Variants in NXN observed in about 807,000 individuals in gnomAD.
The protein encoded by NXN is nucleoredoxin 1.
Under a neutral mutation model 48.6 loss-of-function variants are expected in NXN, and 16 were observed. The ratio of observed to expected loss-of-function variants is 0.33; its 90% confidence interval spans 0.22 to 0.50. The LOEUF is 0.50. NXN is among the 20% of genes least tolerant of loss of function. NXN has a pLI of 0.98. For missense variants in NXN, 492 were observed against 605.5 expected (o/e 0.81, Z 1.97); for synonymous variants, 281 against 269.6 (o/e 1.04, Z -0.41).
At chr17:838,826 A>T (rs950074882) in intron 1 of NXN, among the ~76,000 whole-genome samples, 1 of 151,702 alleles carries the variant, frequency 6.6e-6, no homozygotes, top group Non-Finnish European at 1.5e-5. Context: ...TCCCTTCCAA[A>T]CGGGGGCCGC....
At chr17:826,145 C>T (rs926466906) in intron 1 of NXN, 67 bp from the exon 2 acceptor site, 1 of 1,025,498 alleles carries the variant, frequency 9.8e-7, no homozygotes. Flanking sequence ...TTCTTTTGAG[C>T]CCCTTAGGTC....
chr17:972,299 T>C (rs767830972), intron 1 of NXN, among the ~76,000 whole-genome samples: 1 of 143,722 alleles, frequency 7.0e-6, no homozygotes, highest in Non-Finnish European at 1.5e-5. Context: ...CAAAACTCCA[T>C]CTCAAAAAAA....
chr17:809,798 G>A (rs1337947212), intron 5 of NXN, among the ~76,000 whole-genome samples: 1 of 127,968 alleles, frequency 7.8e-6, no homozygotes. Context: ...ACAGTGCCGT[G>A]TGCATGTGAC....
Position 805,048 on chromosome 17 carries a change from T to G in NXN, c.1000+20A>C. 1 of 1,106,766 alleles carries G rather than the reference T, an allele frequency of 9.0e-7. No homozygotes were observed. Among genetic ancestry groups the G allele is most frequent in the Non-Finnish European group, 1.3e-6 (1 of 799,516 alleles). 68.6% of individuals were successfully genotyped at this position (1,106,766 alleles called of 1,614,324 possible). On this transcript the variant is annotated intron_variant, in intron 6 of 7. Transcript: ENST00000336868. ...CGCCCCCCAGCCACCCCTCGCCCCC[T>G]GCCCCCGTGAGCTTCATACCTACAA...
At chr17:856,904 A>T (rs2067992046) in intron 1 of NXN, among the ~76,000 whole-genome samples, 1 of 152,022 alleles carries the variant, frequency 6.6e-6, no homozygotes, top group Admixed American at 6.6e-5. Context: ...TGCCTTTCAC[A>T]TTCTGTTCAG....
chr17:952,071 G>T (rs1275516718), intron 1 of NXN, among the ~76,000 whole-genome samples: 12 of 152,150 alleles, frequency 7.9e-5, no homozygotes. Context: ...TTTGTGGGGG[G>T]CGGTGGTGGT....
chr17:812,671 T>TGTGTAGGTGTGTGC (rs1555609355), intron 5 of NXN, among the ~76,000 whole-genome samples: 15 of 149,330 alleles, frequency 1.0e-4, no homozygotes, highest in Middle Eastern at 3.6e-3. Flanking sequence ...TAGGTGTGTG[T>TGTGTAGGTGTGTGC]GAGTGTAGGT....
rs1198529441 is a variant in NXN at position 868,461 on chromosome 17, C to CT, written c.361-42384dup. On this transcript the variant is annotated intron_variant, in intron 1 of 7. Coordinates refer to ENST00000336868, the MANE Select transcript of NXN (RefSeq NM_022463.5). ...TCCCCAAGCACAGAAACTACCTTGT[C>CT]TTTTTTTGTTTTTTTTTTGGTTTTT... 8.6e-5 allele frequency among the ~76,000 whole-genome samples: 13 copies of CT among 151,040 alleles called. No individual in the cohort carries two copies. In the East Asian group the frequency reaches 2.3e-3, roughly 27 times the overall value.
At chr17:856,117 C>T (rs368106502) in intron 1 of NXN, among the ~76,000 whole-genome samples, 7 of 151,822 alleles carry the variant, frequency 4.6e-5, no homozygotes, top group African/African-American at 1.2e-4. Context: ...CGCTTGAACC[C>T]GGGAGGTGGA....
chr17:865,533 C>T (rs1323695442), intron 1 of NXN, among the ~76,000 whole-genome samples: 1 of 151,936 alleles, frequency 6.6e-6, no homozygotes, highest in African/African-American at 2.4e-5. Flanking sequence ...TGAGCCACCA[C>T]GCCCGGCCGA....
chr17:805,020 T>TGCCCC, intron 6 of NXN, 48 bp downstream of exon 6: 35 of 1,512,816 alleles, frequency 2.3e-5, no homozygotes, highest in East Asian at 7.4e-5. Context: ...GCCCCTCCTG[T>TGCCCC]CCCGCCCCCC....
chr17:850,336 A>G (rs1396921342), intron 1 of NXN, among the ~76,000 whole-genome samples: 1 of 152,176 alleles, frequency 6.6e-6, no homozygotes, highest in East Asian at 1.9e-4. Flanking sequence ...ATGCCTTCAG[A>G]CAAGGGAGCA....
intron 1 of NXN, among the ~76,000 whole-genome samples, chr17:833,602 A>G (rs67941758): frequency 0.18 from 27,070 of 152,122 alleles, 7,707 homozygotes; most frequent in African/African-American, 0.6. Context: ...AAAGCTATGG[A>G]TCTTTCAGCA....
chr17:811,904 C>T (rs1344435828), intron 5 of NXN, among the ~76,000 whole-genome samples: 1 of 141,128 alleles, frequency 7.1e-6, no homozygotes, highest in African/African-American at 2.6e-5. Context: ...CCGGGTTGTG[C>T]GGTTACCCAG....
At chr17:851,184 A>G (rs915524725) in intron 1 of NXN, among the ~76,000 whole-genome samples, 1 of 152,236 alleles carries the variant, frequency 6.6e-6, no homozygotes, top group Non-Finnish European at 1.5e-5. Context: ...ACCCAGAGAA[A>G]GGTCTGTGTC....
chr17:870,897 C>T (rs560420338), intron 1 of NXN, among the ~76,000 whole-genome samples: 6 of 151,978 alleles, frequency 3.9e-5, no homozygotes, highest in East Asian at 1.9e-4. Context: ...CTCACTCTGT[C>T]GCCCAGGCTG....
chr17:809,213 A>G (rs4968116), intron 5 of NXN, among the ~76,000 whole-genome samples: 10,512 of 152,180 alleles, frequency 0.069, 476 homozygotes, highest in Middle Eastern at 0.095. Flanking sequence ...ATCCCAAGCT[A>G]CACTCCTGGG....
rs549482317 is a variant in NXN at position 957,404 on chromosome 17, C to T, written c.360+21915G>A. On this transcript the variant is annotated intron_variant, in intron 1 of 7. Transcript: ENST00000336868. ...ATCCCAGCACTTTGGGAGGCCAAAG[C>T]GGGTGGATCATGAGGTCAGGAGTTC... 5.9e-5 allele frequency among the ~76,000 whole-genome samples: 9 copies of T among 152,070 alleles called. No individual in the cohort carries two copies. In the South Asian group the frequency reaches 6.2e-4, roughly 11 times the overall value.
intron 1 of NXN, among the ~76,000 whole-genome samples, chr17:856,050 G>A (rs1019245046): frequency 1.3e-5 from 2 of 152,090 alleles, no homozygotes; most frequent in African/African-American, 2.4e-5. Flanking sequence ...AAAATTAGCT[G>A]GGCGTGGTGG....
Sources: gnomAD v4.1 joint callset for allele counts (sites outside exome capture counted in the v4.1 genomes callset) on GRCh38, gnomAD v4.1.1 for gene constraint, MANE v1.5 for transcripts, NCBI Gene and HGNC (gene_info 2026-07-23, HGNC 2026-07-21) for gene names.